Variants in VWCE observed in about 807,000 individuals in gnomAD.
The protein encoded by VWCE is von Willebrand factor C and EGF domain-containing protein.
A neutral mutation model predicts 102.9 loss-of-function variants in VWCE; 68 were observed. The ratio of observed to expected loss-of-function variants is 0.66; its 90% confidence interval spans 0.54 to 0.81. VWCE has a LOEUF of 0.81. Among genes scored for constraint, VWCE ranks in the 30% least tolerant of loss-of-function variants. The pLI, the probability that VWCE is intolerant of heterozygous loss-of-function variation, is 0.00. For missense variants in VWCE, 1,137 were observed against 1,263.6 expected, an observed-to-expected ratio of 0.90 and a Z score of 1.52; for synonymous variants, 497 against 515.4, an observed-to-expected ratio of 0.96 and a Z score of 0.48.
intron 4 of VWCE, among the ~76,000 whole-genome samples, chr11:61,289,240 TA>T (rs1029015253): frequency 3.8e-4 from 57 of 151,666 alleles, no homozygotes; most frequent in Admixed American, 4.0e-4. Flanking sequence ...ATGTAACTGC[TA>T]AAAAAAAATT....
intron 13 of VWCE, among the ~76,000 whole-genome samples, chr11:61,272,780 CAT>C (rs547978546): frequency 9.9e-4 from 151 of 152,006 alleles, no homozygotes; most frequent in African/African-American, 3.6e-3. Context: ...CTCATACAAA[CAT>C]ACACTTACAT....
Position 61,281,035 on chromosome 11 carries a change from G to T in VWCE, c.988C>A (p.Pro330Thr). The T allele has an allele frequency of 1.5e-5, 23 of 1,581,728 alleles. No individual in the cohort carries two copies. The highest frequency in any genetic ancestry group is 2.0e-5 in the Non-Finnish European group (23 of 1,163,630). The change falls in exon 8 of 20, where the codon CCT (proline) becomes ACT (threonine). Residue 330 changes from proline to threonine, a missense_variant. By Grantham distance (38) the Pro-to-Thr change is conservative. Around this residue, in one of 5 missense-constraint regions of VWCE, gnomAD observed 575 missense variants for 625.9 expected, o/e 0.92. Coordinates refer to ENST00000335613, the MANE Select transcript of VWCE (RefSeq NM_152718.2). ...SPTPRLPTSS[P>T]SAPVWLLSTL... ...GACAGCAGCCACACAGGGGCAGAAG[G>T]GGAGGATGTGGGTAGTCGTGGGGTG... is the stretch of plus-strand genomic sequence containing the variant.
chr11:61,277,597 A>C (rs892451611), intron 10 of VWCE, among the ~76,000 whole-genome samples: 7 of 152,120 alleles, frequency 4.6e-5, no homozygotes, highest in Non-Finnish European at 8.8e-5. Context: ...AGAGCAAGAC[A>C]CTGTCTCTAA....
At position 61,265,052 on chromosome 11, in the gene VWCE, G is replaced by C. The variant is rs1218077152; in HGVS notation, c.2057-14C>G. On this transcript the variant is annotated splice_polypyrimidine_tract_variant and intron_variant, in intron 17 of 19. Transcript: ENST00000335613. ...CGTAGTTGCAGTCTGTGGAGGAAGGGGAGACAGGAGCCCATGAGAGCCGAG... is the reference window on the plus strand; with the variant it reads ...CGTAGTTGCAGTCTGTGGAGGAAGGCGAGACAGGAGCCCATGAGAGCCGAG... 1 of 1,613,980 alleles carries C rather than the reference G, an allele frequency of 6.2e-7. No homozygotes were observed. The highest frequency in any genetic ancestry group is 1.3e-5 in the African/African-American group (1 of 74,908).
intron 15 of VWCE, among the ~76,000 whole-genome samples, chr11:61,268,485 T>C (rs12275530): frequency 0.16 from 24,149 of 152,092 alleles, 5,734 homozygotes; most frequent in African/African-American, 0.52. Flanking sequence ...ACCCGGGAGG[T>C]GGAGGTTGCA....
chr11:61,285,908 C>T (rs1855304769), intron 5 of VWCE, among the ~76,000 whole-genome samples: 1 of 152,176 alleles, frequency 6.6e-6, no homozygotes, highest in African/African-American at 2.4e-5. Context: ...TGCTCGCCAC[C>T]ACGCCTGGCT....
chr11:61,282,694 G>A, intron 6 of VWCE, 95 bp downstream of exon 6: 1 of 992,554 alleles, frequency 1.0e-6, no homozygotes, highest in Non-Finnish European at 1.6e-6. Flanking sequence ...GGACCAGAAA[G>A]TCTAATTGTT....
rs1376860495 is a variant in VWCE, at chr11:61,259,314, T to C, written c.2231-2A>G. The stretch of plus-strand genomic sequence containing the variant: ...TTTCTTCCAGAGGAGACAGGGAATC[T>C]AGAGAGACGAGGGTGAAACGAGATG... On this transcript the variant is annotated splice_acceptor_variant, in intron 19 of 19. Transcript: ENST00000335613. LOFTEE classifies it high-confidence loss of function. 2 of 1,567,268 alleles carry C rather than the reference T, an allele frequency of 1.3e-6. No individual in the cohort carries two copies. The highest frequency in any genetic ancestry group is 1.4e-5 in the African/African-American group (1 of 73,524).
Position 61,259,315 on chromosome 11 carries a change from A to G in VWCE, c.2231-3T>C, listed in dbSNP as rs1051851424. On this transcript the variant is annotated splice_region_variant and splice_polypyrimidine_tract_variant and intron_variant, in intron 19 of 19. Coordinates refer to ENST00000335613, the MANE Select transcript of VWCE (RefSeq NM_152718.2). The stretch of plus-strand genomic sequence containing the variant: ...TTCTTCCAGAGGAGACAGGGAATCT[A>G]GAGAGACGAGGGTGAAACGAGATGC... The G allele has an allele frequency of 6.4e-7, 1 of 1,566,954 alleles. No homozygotes were observed. The highest frequency in any genetic ancestry group is 1.8e-5 in the Admixed American group (1 of 54,924).
At position 61,281,053 on chromosome 11, in the gene VWCE, G is replaced by A. The variant is rs903269063; in HGVS notation, c.970C>T (p.Arg324Ter). 1.3e-6 allele frequency: 2 copies of A among 1,596,860 alleles called. No individual in the cohort carries two copies. The highest frequency in any genetic ancestry group is 1.7e-6 in the Non-Finnish European group (2 of 1,171,240). Residue 324 changes from arginine to a stop codon, truncating the protein, a stop_gained, in exon 8 of 20, where the codon CGA becomes TGA. Transcript: ENST00000335613. LOFTEE classifies it high-confidence loss of function. ...RTTRLPSPTP[R>*]LPTSSPSAPV... ...GCAGAAGGGGAGGATGTGGGTAGTCGTGGGGTGGGAGATGGCAGGCGGGTG... is the reference window on the plus strand; with the variant it reads ...GCAGAAGGGGAGGATGTGGGTAGTCATGGGGTGGGAGATGGCAGGCGGGTG...
In VWCE at chr11:61,295,281, ACG is replaced by A. The variant is rs978253465; in HGVS notation, c.-246_-245del. 8.6e-5 allele frequency: 29 copies of A among 338,812 alleles called. No individual in the cohort carries two copies. The highest frequency in any genetic ancestry group is 5.8e-4 in the African/African-American group (27 of 46,862). The allele number at this position is 338,812 out of a possible 1,614,324, so 21.0% of individuals were successfully genotyped here. On this transcript the variant is annotated 5_prime_UTR_variant, in exon 1 of 20. Transcript: ENST00000335613. The surrounding 1 kb of genome is among the most constrained non-coding windows in gnomAD (Gnocchi z 4.6). ...CCTCGAAGCGAAACACACAAAGGCA[ACG>A]CCGCCCGCCTGCTGATGCCTCTCCG... is the stretch of plus-strand genomic sequence containing the variant.
chr11:61,286,268 T>C, intron 5 of VWCE, 46 bp downstream of exon 5: 1 of 1,547,308 alleles, frequency 6.5e-7, no homozygotes, highest in Non-Finnish European at 8.8e-7. Context: ...CAATGTGGCA[T>C]CCCCATTACC....
rs578238090 is a variant in VWCE, at chr11:61,267,505, G to A, written c.1922C>T (p.Thr641Ile). Residue 641 changes from threonine (T) to isoleucine (I), a missense_variant, in exon 16 of 20, where the codon ACC becomes ATC. Around this residue, in one of 5 missense-constraint regions of VWCE, gnomAD observed 212 missense variants for 235.1 expected, o/e 0.90. Transcript: ENST00000335613. ...ACATGGGTCCAGCACAGACGGGAAG[G>A]TCTCGTTGTTATAGAAGATTCTGCC... ...YTGRIFYNNE[T>I]FPSVLDPCLS... The A allele has an allele frequency of 1.9e-6, 3 of 1,614,176 alleles. No homozygotes were observed. Among genetic ancestry groups the A allele is most frequent in the African/African-American group, 1.3e-5 (1 of 75,040 alleles).
chr11:61,269,596 C>A (rs1198067568), intron 14 of VWCE, among the ~76,000 whole-genome samples: 2 of 151,922 alleles, frequency 1.3e-5, no homozygotes, highest in African/African-American at 2.4e-5. Flanking sequence ...CAAGCATGCG[C>A]CACCACGCCA....
intron 6 of VWCE, among the ~76,000 whole-genome samples, chr11:61,282,158 G>A (rs1481019461): frequency 6.6e-6 from 1 of 152,202 alleles, no homozygotes; most frequent in Non-Finnish European, 1.5e-5. Flanking sequence ...CTCAGCCCCA[G>A]CACTATGCAG....
At chr11:61,270,303 G>A (rs533614649) in intron 14 of VWCE, among the ~76,000 whole-genome samples, 2 of 152,350 alleles carry the variant, frequency 1.3e-5, no homozygotes, top group Non-Finnish European at 2.9e-5. Flanking sequence ...CAAATCACCT[G>A]GAGGTTAAAA....
intron 1 of VWCE, among the ~76,000 whole-genome samples, chr11:61,292,048 C>A (rs781625475): frequency 6.6e-5 from 10 of 152,136 alleles, no homozygotes; most frequent in Non-Finnish European, 1.2e-4. Flanking sequence ...CATGGTGAAA[C>A]CTCGTTTCTA....
chr11:61,267,492 C>A lies in VWCE; in HGVS notation c.1935G>T (p.Val645=), dbSNP rs1434730651. The A allele has an allele frequency of 1.2e-6, 2 of 1,614,044 alleles. No individual in the cohort carries two copies. Among genetic ancestry groups the A allele is most frequent in the Admixed American group, 1.7e-5 (1 of 60,002 alleles). Residue 645 remains valine (V), a synonymous_variant, in exon 16 of 20, where the codon GTG becomes GTT. Transcript: ENST00000335613. ...AGATGCAGCTCAGACATGGGTCCAG[C>A]ACAGACGGGAAGGTCTCGTTGTTAT... is the stretch of plus-strand genomic sequence containing the variant. ...IFYNNETFPS[V]LDPCLSCICL... is the part of the protein sequence containing the mutation.
chr11:61,272,320 TACTC>T (rs1291440445), intron 13 of VWCE, among the ~76,000 whole-genome samples: 1 of 150,798 alleles, frequency 6.6e-6, no homozygotes, highest in Non-Finnish European at 1.5e-5. Flanking sequence ...ACACAGATAC[TACTC>T]AGAGAGACAC....
Sources: allele counts gnomAD v4.1 joint callset (sites outside exome capture counted in the v4.1 genomes callset), GRCh38; gene constraint gnomAD v4.1.1; regional missense constraint gnomAD v4.1.1; non-coding constraint Gnocchi (gnomAD v3.1); transcripts MANE v1.5; gene names NCBI Gene and HGNC (gene_info 2026-07-23, HGNC 2026-07-21).